The following RBFOX1 variants were observed in gnomAD, a reference collection of about 807,000 sequenced individuals.
The protein encoded by RBFOX1 is RNA binding protein fox-1 homolog 1.
Under a neutral mutation model 57.7 loss-of-function variants are expected in RBFOX1, and 8 were observed. That is an observed-to-expected ratio of 0.14 (90% confidence interval 0.08 to 0.25). The LOEUF (loss-of-function observed/expected upper bound fraction) is 0.25. Among genes scored for constraint, RBFOX1 ranks in the 10% least tolerant of loss-of-function variants. The probability of loss-of-function intolerance (pLI) is 1.00; values close to 1 mark genes in which losing one functional copy is unlikely to be tolerated. For missense variants in RBFOX1, 611 were observed against 548.5 expected, an observed-to-expected ratio of 1.11 and a Z score of -1.14; for synonymous variants, 326 against 222.4, an observed-to-expected ratio of 1.47 and a Z score of -4.15.
chr16:6,454,001 T>C (rs1709388215), intron 2 of RBFOX1, among the ~76,000 whole-genome samples: 1 of 152,214 alleles, frequency 6.6e-6, no homozygotes, highest in African/African-American at 2.4e-5. Flanking sequence ...TCTGAGGCTT[T>C]CCTGCTTGGT....
chr16:6,290,283 G>A lies in RBFOX1; in HGVS notation c.-126-26712G>A, dbSNP rs539798339. ...AGAACGAAGGTGAATATGGAGAAGG[G>A]GTAAGAAAAGAGGAAACAAGATCAT... On this transcript the variant is annotated intron_variant, in intron 1 of 15. Transcript: ENST00000550418. 8.5e-4 allele frequency among the ~76,000 whole-genome samples: 127 copies of A among 149,298 alleles called. 3 individuals are homozygous for A. In the Middle Eastern group the frequency reaches 0.02, roughly 23 times the overall value.
At chr16:5,889,818 G>A (rs557175124) in intron 4 of RBFOX1, among the ~76,000 whole-genome samples, 2 of 152,348 alleles carry the variant, frequency 1.3e-5, no homozygotes, top group East Asian at 3.9e-4. Flanking sequence ...GACAAAAGCA[G>A]ACGCAACAGC....
intron 3 of RBFOX1, among the ~76,000 whole-genome samples, chr16:5,762,290 A>G (rs990126285): frequency 2.6e-5 from 4 of 152,234 alleles, no homozygotes; most frequent in East Asian, 3.9e-4. Flanking sequence ...GTAGCAACAA[A>G]GGATTTAAAA....
intron 3 of RBFOX1, among the ~76,000 whole-genome samples, chr16:6,829,920 T>G (rs185132585): frequency 1.3e-5 from 2 of 151,456 alleles, no homozygotes; most frequent in Non-Finnish European, 2.9e-5. Flanking sequence ...TTATTTTATT[T>G]TTTTTATTTT....
chr16:5,419,807 C>G (rs1459041282), intron 1 of RBFOX1, among the ~76,000 whole-genome samples: 3 of 151,892 alleles, frequency 2.0e-5, no homozygotes, highest in Non-Finnish European at 4.4e-5. Context: ...GGGAGGGGCT[C>G]AAAGTGCTGC....
At chr16:6,549,132 GGA>G in intron 2 of RBFOX1, among the ~76,000 whole-genome samples, 1 of 57,796 alleles carries the variant, frequency 1.7e-5, no homozygotes, top group African/African-American at 8.2e-5. Flanking sequence ...AGGGGAGGAA[GGA>G]GGAGGAGGAG....
chr16:5,486,003 G>A (rs2069719819), intron 2 of RBFOX1, among the ~76,000 whole-genome samples: 2 of 152,158 alleles, frequency 1.3e-5, no homozygotes, highest in South Asian at 4.2e-4. Context: ...CTCATAGTCA[G>A]AATTCGGTAT....
In RBFOX1 at chr16:5,867,454, G is replaced by A. The variant is rs2057369890; in HGVS notation, c.351+119G>A. 7 of 721,750 alleles carry A rather than the reference G, an allele frequency of 9.7e-6. No homozygotes were observed. In the Admixed American group the frequency reaches 2.2e-4, roughly 22 times the overall value. The allele number at this position is 721,750 out of a possible 1,614,324, so 44.7% of individuals were successfully genotyped here. On this transcript the variant is annotated intron_variant, in intron 4 of 19. Transcript: ENST00000641259. Reference sequence around the variant, plus strand: ...CCGTGTTTCATTTCCTGGTGGCTTGGATGGTGTGTTTTCAGTTGAGTGGTT... The same window carrying A: ...CCGTGTTTCATTTCCTGGTGGCTTGAATGGTGTGTTTTCAGTTGAGTGGTT...
chr16:5,407,367 G>GTAGTGAGGC (rs1329463266), intron 1 of RBFOX1, among the ~76,000 whole-genome samples: 3 of 152,072 alleles, frequency 2.0e-5, no homozygotes, highest in African/African-American at 7.2e-5. Context: ...GTAGGAATTA[G>GTAGTGAGGC]ATGAGTAGTG....
chr16:5,478,841 G>A (rs1450557844), intron 2 of RBFOX1, among the ~76,000 whole-genome samples: 3 of 152,098 alleles, frequency 2.0e-5, no homozygotes. Flanking sequence ...CCTCCCATGG[G>A]CTGCTATATT....
intron 4 of RBFOX1, among the ~76,000 whole-genome samples, chr16:7,209,880 G>C (rs1013334623): frequency 3.9e-5 from 6 of 152,142 alleles, no homozygotes; most frequent in Non-Finnish European, 8.8e-5. Context: ...TCAAGGTCTT[G>C]AAAATGCCTG....
intron 3 of RBFOX1, among the ~76,000 whole-genome samples, chr16:7,006,925 T>A (rs1870092042): frequency 6.6e-6 from 1 of 152,224 alleles, no homozygotes; most frequent in Non-Finnish European, 1.5e-5. Flanking sequence ...CGCACCGTCT[T>A]GTCTCTTCCA....
At chr16:6,194,182 T>C (rs529566593) in intron 1 of RBFOX1, among the ~76,000 whole-genome samples, 17 of 152,276 alleles carry the variant, frequency 1.1e-4, no homozygotes, top group African/African-American at 3.6e-4. Flanking sequence ...AAACTTGTTG[T>C]TCAGGCTCTG....
chr16:6,397,405 G>A (rs1405723896), intron 2 of RBFOX1, among the ~76,000 whole-genome samples: 1 of 151,866 alleles, frequency 6.6e-6, no homozygotes, highest in African/African-American at 2.4e-5. Context: ...TTTAATGGTT[G>A]ACAAAGAAAT....
intron 3 of RBFOX1, among the ~76,000 whole-genome samples, chr16:5,703,283 G>T (rs747341276): frequency 1.3e-5 from 2 of 152,202 alleles, no homozygotes; most frequent in Non-Finnish European, 2.9e-5. Context: ...CTTTCTGGAG[G>T]ATATGATATT....
chr16:7,281,366 A>G (rs1394215846), intron 4 of RBFOX1, among the ~76,000 whole-genome samples: 1 of 151,770 alleles, frequency 6.6e-6, no homozygotes, highest in African/African-American at 2.4e-5. Context: ...TTGGAGGCAG[A>G]TGGGCTGCTT....
At chr16:6,959,273 T>G (rs771985476) in intron 3 of RBFOX1, among the ~76,000 whole-genome samples, 1 of 152,198 alleles carries the variant, frequency 6.6e-6, no homozygotes, top group Non-Finnish European at 1.5e-5. Flanking sequence ...GCCATGTTTA[T>G]GTGGAGGGAG....
chr16:6,852,300 CTTTCT>C (rs2094115372), intron 3 of RBFOX1, among the ~76,000 whole-genome samples: 1 of 152,100 alleles, frequency 6.6e-6, no homozygotes, highest in African/African-American at 2.4e-5. Context: ...GCCTCTGCGT[CTTTCT>C]TTTAAGGATG....
chr16:6,647,884 C>T (rs142627935), intron 2 of RBFOX1, among the ~76,000 whole-genome samples: 25 of 152,206 alleles, frequency 1.6e-4, no homozygotes, highest in African/African-American at 5.5e-4. Flanking sequence ...CTTTGTTGCC[C>T]AGTCTGGAGT....
Sources: gnomAD v4.1 joint callset for allele counts (sites outside exome capture counted in the v4.1 genomes callset) on GRCh38, gnomAD v4.1.1 for gene constraint, MANE v1.5 for transcripts, NCBI Gene and HGNC (gene_info 2026-07-23, HGNC 2026-07-21) for gene names.